Variants in CLEC16A observed in about 807,000 individuals in gnomAD.
CLEC16A encodes the protein protein CLEC16A.
In CLEC16A, 51 loss-of-function variants were observed where a neutral mutation model predicts 109.5. The ratio of observed to expected loss-of-function variants is 0.47; its 90% CI spans 0.37 to 0.59. The LOEUF (loss-of-function observed/expected upper bound fraction) is 0.59. Among genes scored for constraint, CLEC16A ranks in the 20% least tolerant of loss-of-function variants. CLEC16A has a pLI of 0.00. For missense variants in CLEC16A, 1,339 were observed against 1,394.0 expected (o/e 0.96, Z 0.63); for synonymous variants, 673 against 564.2 (o/e 1.19, Z -2.73).
At chr16:11,176,565 C>T (rs549768138) in intron 23 of CLEC16A, among the ~76,000 whole-genome samples, 70 of 152,172 alleles carry the variant, frequency 4.6e-4, no homozygotes, top group African/African-American at 1.2e-3. Context: ...AATGAGACCC[C>T]GTCTCTACAA....
At chr16:11,066,336 T>C (rs2048754782) in intron 19 of CLEC16A, among the ~76,000 whole-genome samples, 1 of 151,992 alleles carries the variant, frequency 6.6e-6, no homozygotes, top group South Asian at 2.1e-4. Flanking sequence ...CAGTTTGCAG[T>C]GGCGATGCCA....
chr16:10,977,739 A>G (rs956377668), intron 8 of CLEC16A, among the ~76,000 whole-genome samples: 6 of 152,066 alleles, frequency 3.9e-5, no homozygotes, highest in Non-Finnish European at 8.8e-5. Flanking sequence ...GCTGGTCTCA[A>G]ACTCTTGACC....
chr16:11,126,577 A>G, intron 22 of CLEC16A: 1 of 425,464 alleles, frequency 2.4e-6, no homozygotes, highest in Non-Finnish European at 4.1e-6. Flanking sequence ...CCCACAGGTC[A>G]GCTGTCCACT....
intron 22 of CLEC16A, among the ~76,000 whole-genome samples, chr16:11,159,050 G>A (rs1310860210): frequency 6.6e-6 from 1 of 152,186 alleles, no homozygotes; most frequent in Non-Finnish European, 1.5e-5. Flanking sequence ...GAATGAAGCT[G>A]TCAACATTTT....
In CLEC16A at chr16:11,181,856, A is replaced by T. The variant is rs2141073847; in HGVS notation, c.*3166A>T. On this transcript the variant is annotated 3_prime_UTR_variant, in exon 24 of 24. Coordinates refer to ENST00000409790, the MANE Select transcript of CLEC16A (RefSeq NM_015226.3). ...AGGTCTCTGAGATGCACCGTTTTTT[A>T]AAAAGGCGTGGGGTGAACTGATTTT... 2 of 152,788 alleles carry T rather than the reference A, an allele frequency of 1.3e-5. No individual in the cohort carries two copies. Among genetic ancestry groups the T allele is most frequent in the East Asian group, 3.9e-4 (2 of 5,190 alleles). 9.5% of individuals were successfully genotyped at this position (152,788 alleles called of 1,614,324 possible). A position where few individuals can be genotyped will look rare whatever the true frequency, so the allele number is the denominator to read the frequency against.
intron 19 of CLEC16A, among the ~76,000 whole-genome samples, chr16:11,078,693 G>C (rs540549110): frequency 1.1e-3 from 161 of 152,292 alleles, no homozygotes; most frequent in Middle Eastern, 6.8e-3. Context: ...TAGAGGAAGA[G>C]GTTGGCCATG....
intron 22 of CLEC16A, among the ~76,000 whole-genome samples, chr16:11,132,282 C>A (rs2053267433): frequency 2.1e-5 from 3 of 139,578 alleles, no homozygotes; most frequent in African/African-American, 7.8e-5. Flanking sequence ...CACTAATCTG[C>A]TTTCTGTCTC....
chr16:11,084,962 T>C (rs1014848139), intron 19 of CLEC16A, among the ~76,000 whole-genome samples: 4 of 152,220 alleles, frequency 2.6e-5, no homozygotes, highest in African/African-American at 9.6e-5. Flanking sequence ...TCACGGCCCA[T>C]GAGGGCCCTG....
intron 11 of CLEC16A, among the ~76,000 whole-genome samples, chr16:11,009,107 C>T (rs946470706): frequency 1.3e-5 from 2 of 152,188 alleles, no homozygotes; most frequent in African/African-American, 4.8e-5. Context: ...CATTTAATAA[C>T]TCCCCACCCC....
intron 22 of CLEC16A, among the ~76,000 whole-genome samples, chr16:11,153,053 A>T (rs752599226): frequency 3.3e-5 from 5 of 152,300 alleles, no homozygotes; most frequent in African/African-American, 1.2e-4. Flanking sequence ...TTGGGAAGAA[A>T]TGAAGTCAAT....
At chr16:11,044,132 G>A (rs1052880202) in intron 16 of CLEC16A, 60 bp downstream of exon 16, 34 of 1,450,896 alleles carry the variant, frequency 2.3e-5, no homozygotes, top group Admixed American at 1.4e-4. Context: ...CAGAAGTGTG[G>A]TGTCTGGTTC....
chr16:11,008,168 C>T (rs60405469), intron 11 of CLEC16A, among the ~76,000 whole-genome samples: 10 of 152,266 alleles, frequency 6.6e-5, no homozygotes, highest in African/African-American at 2.4e-4. Flanking sequence ...TCCTAGGTAA[C>T]CAGCCAGGCA....
intron 22 of CLEC16A, among the ~76,000 whole-genome samples, chr16:11,139,348 A>G (rs908232220): frequency 2.0e-5 from 3 of 152,194 alleles, no homozygotes; most frequent in African/African-American, 7.2e-5. Flanking sequence ...TTTTCTCTCT[A>G]TAACCAGAAT....
At chr16:11,143,078 C>T (rs1288218349) in intron 22 of CLEC16A, among the ~76,000 whole-genome samples, 1 of 152,238 alleles carries the variant, frequency 6.6e-6, no homozygotes, top group African/African-American at 2.4e-5. Context: ...TCCCAAAGTG[C>T]AGGGATTACA....
intron 19 of CLEC16A, among the ~76,000 whole-genome samples, chr16:11,075,329 G>T (rs2049287936): frequency 6.6e-6 from 1 of 151,978 alleles, no homozygotes; most frequent in Non-Finnish European, 1.5e-5. Flanking sequence ...AGGGGCAGGG[G>T]TCCTGCTGGC....
intron 4 of CLEC16A, among the ~76,000 whole-genome samples, chr16:10,970,860 C>T (rs1332739106): frequency 3.3e-5 from 5 of 152,256 alleles, no homozygotes; most frequent in African/African-American, 1.2e-4. Context: ...CAACCTCCCA[C>T]CTCAGCCTCT....
intron 8 of CLEC16A, 26 bp from the exon 9 acceptor site, chr16:10,979,303 C>T: frequency 3.1e-6 from 5 of 1,606,356 alleles, no homozygotes; most frequent in Non-Finnish European, 4.3e-6. Context: ...TGATCTCTCT[C>T]TCTCTCTCCT....
At chr16:10,985,220 A>ATATATATATATATAT (rs1555526162) in intron 10 of CLEC16A, among the ~76,000 whole-genome samples, 1 of 104,086 alleles carries the variant, frequency 9.6e-6, no homozygotes, top group African/African-American at 4.6e-5. Context: ...AAAAAAAAAA[A>ATATATATATATATAT]ATATATATAT....
At chr16:11,019,222 A>G (rs990498397) in intron 11 of CLEC16A, among the ~76,000 whole-genome samples, 2 of 152,216 alleles carry the variant, frequency 1.3e-5, no homozygotes, top group Non-Finnish European at 2.9e-5. Context: ...ACGCCCGCAC[A>G]GCCAAGAACT....
Sources: gnomAD v4.1 joint callset for allele counts (sites outside exome capture counted in the v4.1 genomes callset) on GRCh38, gnomAD v4.1.1 for gene constraint, MANE v1.5 for transcripts, NCBI Gene and HGNC (gene_info 2026-07-23, HGNC 2026-07-21) for gene names.